MYEF2: variants seen among roughly 807,000 people sequenced by gnomAD.
The protein encoded by MYEF2 is myelin gene expression factor 2.
A neutral mutation model predicts 75.2 loss-of-function variants in MYEF2; 37 were observed. The observed-to-expected ratio is 0.49, with a 90% CI of 0.38 to 0.65. The LOEUF is 0.65. Ranked by LOEUF, MYEF2 falls within the 30% of genes least tolerant of loss-of-function variation. MYEF2 has a pLI of 0.00. For synonymous variants in MYEF2, 195 were observed against 241.6 expected, an observed-to-expected ratio of 0.81 and a Z score of 1.79; for missense variants, 634 against 771.4, an observed-to-expected ratio of 0.82 and a Z score of 2.11.
At chr15:48,151,816 T>C in intron 12 of MYEF2, 58 bp downstream of exon 12, 2 of 1,566,480 alleles carry the variant, frequency 1.3e-6, no homozygotes, top group Non-Finnish European at 1.8e-6. Flanking sequence ...AGGGGGGAAA[T>C]ATTAATAATA....
At position 48,178,261 on chromosome 15, in the gene MYEF2, G is replaced by A. The variant is rs1483325559; in HGVS notation, c.-24C>T. 4.3e-6 allele frequency: 6 copies of A among 1,384,264 alleles called. No homozygotes were observed. The highest frequency in any genetic ancestry group is 5.6e-6 in the Non-Finnish European group (6 of 1,074,628). 85.7% of individuals were successfully genotyped at this position (1,384,264 alleles called of 1,614,324 possible). ...ATCCCGCCGCCGCTGCCTCCGCCTC[G>A]GCCGCCTGAGCTGAGGGGCTCCGAG... is the stretch of plus-strand genomic sequence containing the variant. On this transcript the variant is annotated 5_prime_UTR_variant, in exon 1 of 17. Coordinates refer to ENST00000324324, the MANE Select transcript of MYEF2 (RefSeq NM_016132.5).
Position 48,149,230 on chromosome 15 carries a change from G to A in MYEF2, c.1520C>T (p.Ser507Leu), listed in dbSNP as rs768806653. ...RSIDMDRGFL[S>L]GPMGSGMRER... The stretch of plus-strand genomic sequence containing the variant: ...TCTCATTCCGCTTCCCATTGGACCC[G>A]ATAAAAATCCTCGATCCATATCGAT... Residue 507 changes from serine (S) to leucine (L), a missense_variant, in exon 15 of 17, where the codon TCG becomes TTG. By Grantham distance (145) the Ser-to-Leu change is moderately radical (BLOSUM62 -2). Transcript: ENST00000324324. The surrounding 1 kb of genome is among the most constrained non-coding windows in gnomAD (Gnocchi z 4.0). 1.2e-5 allele frequency: 19 copies of A among 1,613,212 alleles called. No individual in the cohort carries two copies. The highest frequency in any genetic ancestry group is 1.5e-5 in the Non-Finnish European group (18 of 1,179,538).
chr15:48,178,061 G>A lies in MYEF2; in HGVS notation c.161+16C>T. ...GCCCCCCACCTCGCCCCGGTTCCCG[G>A]AGGAAAAGACAATACATTTTAACGC... is the stretch of plus-strand genomic sequence containing the variant. On this transcript the variant is annotated intron_variant, in intron 1 of 16. Coordinates refer to ENST00000324324, the MANE Select transcript of MYEF2 (RefSeq NM_016132.5). The A allele has an allele frequency of 1.3e-6, 2 of 1,590,932 alleles. No homozygotes were observed. Among genetic ancestry groups the A allele is most frequent in the Non-Finnish European group, 8.6e-7 (1 of 1,168,970 alleles).
At chr15:48,156,195 A>G (rs967002745) in intron 9 of MYEF2, among the ~76,000 whole-genome samples, 3 of 152,190 alleles carry the variant, frequency 2.0e-5, no homozygotes, top group Non-Finnish European at 2.9e-5. Flanking sequence ...AAAGCTACCA[A>G]TTTGAAGTAA....
At position 48,140,184 on chromosome 15, in the gene MYEF2, A is replaced by T. The variant is rs980678316; in HGVS notation, c.*2724T>A. 1 of 152,148 alleles carries T rather than the reference A, an allele frequency of 6.6e-6. No homozygotes were observed. The highest frequency in any genetic ancestry group is 1.5e-5 in the Non-Finnish European group (1 of 68,000). The allele number at this position is 152,148 out of a possible 1,614,324, so 9.4% of individuals were successfully genotyped here. A position where few individuals can be genotyped will look rare whatever the true frequency, so the allele number is the denominator to read the frequency against. ...AGAACACATTTGATACTAGAAAAAT[A>T]AAAAGAGAGCAAAAATCATGTAATA... On this transcript the variant is annotated 3_prime_UTR_variant, in exon 17 of 17. Transcript: ENST00000324324.
intron 12 of MYEF2, 83 bp downstream of exon 12, chr15:48,151,791 A>C: frequency 6.7e-7 from 1 of 1,493,032 alleles, no homozygotes; most frequent in Non-Finnish European, 9.3e-7. Context: ...TTTTTAGCAC[A>C]CATTCCTAAG....
chr15:48,159,121 AT>A (rs972600322), intron 6 of MYEF2, among the ~76,000 whole-genome samples, 199 bp from the exon 7 acceptor site: 8 of 151,836 alleles, frequency 5.3e-5, no homozygotes, highest in African/African-American at 1.2e-4. Context: ...CCTTATCCTT[AT>A]TTTTTTTAAT....
intron 1 of MYEF2, among the ~76,000 whole-genome samples, chr15:48,174,793 C>T (rs1359445467): frequency 6.6e-6 from 1 of 152,064 alleles, no homozygotes; most frequent in East Asian, 1.9e-4. Flanking sequence ...AAGATAGCAA[C>T]TGTTGCTGAG....
Position 48,134,963 on chromosome 15 carries a change from T to TATTA in MYEF2, c.*7944_*7945insTAAT, listed in dbSNP as rs886037642. On this transcript the variant is annotated 3_prime_UTR_variant, in exon 17 of 17. Coordinates refer to ENST00000324324, the MANE Select transcript of MYEF2 (RefSeq NM_016132.5). Reference sequence around the variant, plus strand: ...AGTGCAGCAGCAGTTCTTGGTATAATATATGACAACCAAGTTTACTGGTAA... The same window carrying TATTA: ...AGTGCAGCAGCAGTTCTTGGTATAATATTAATATGACAACCAAGTTTACTGGTAA... The TATTA allele has an allele frequency of 8.1e-6, 13 of 1,610,002 alleles. No homozygotes were observed. The South Asian group carries it at 9.9e-5, about 12-fold the overall frequency.
intron 1 of MYEF2, among the ~76,000 whole-genome samples, chr15:48,177,638 T>C (rs980428117): frequency 6.6e-6 from 1 of 152,190 alleles, no homozygotes; most frequent in African/African-American, 2.4e-5. Context: ...ATATTCCTTT[T>C]AAATATGTTC....
At chr15:48,159,853 T>G (rs1303998117) in intron 5 of MYEF2, 49 bp from the exon 6 acceptor site, 35 of 1,523,428 alleles carry the variant, frequency 2.3e-5, no homozygotes, top group Non-Finnish European at 3.1e-5. Flanking sequence ...TCACTAATTC[T>G]ACAAAATTAA....
At position 48,158,074 on chromosome 15, in the gene MYEF2, T is replaced by G. The variant is rs1326723628; in HGVS notation, c.922-18A>C. On this transcript the variant is annotated intron_variant, in intron 8 of 16. Coordinates refer to ENST00000324324, the MANE Select transcript of MYEF2 (RefSeq NM_016132.5). ...TTGTCATCCTAATTGCAAGAAAGTT[T>G]ATAATATGGTTAACATATTACCACA... The G allele has an allele frequency of 6.2e-7, 1 of 1,612,578 alleles. No individual in the cohort carries two copies. The highest frequency in any genetic ancestry group is 2.2e-5 in the East Asian group (1 of 44,762).
intron 5 of MYEF2, among the ~76,000 whole-genome samples, chr15:48,163,363 G>A (rs2040019455): frequency 6.6e-6 from 1 of 152,178 alleles, no homozygotes; most frequent in Non-Finnish European, 1.5e-5. Context: ...TCCAGAGTAA[G>A]GCCTTAACTC....
intron 10 of MYEF2, chr15:48,153,057 A>G (rs2039555801): frequency 6.6e-6 from 1 of 152,142 alleles, no homozygotes; most frequent in Non-Finnish European, 1.5e-5. Flanking sequence ...CAATATCACA[A>G]AAAACTAAAG....
At chr15:48,166,528 A>G (rs989927436) in intron 3 of MYEF2, among the ~76,000 whole-genome samples, 2 of 152,020 alleles carry the variant, frequency 1.3e-5, no homozygotes, top group Admixed American at 1.3e-4. Flanking sequence ...TTTCAACTCT[A>G]TTAAAATCAA....
At position 48,134,796 on chromosome 15, in the gene MYEF2, C is replaced by T; in HGVS notation, c.*8112G>A. 5 of 1,059,692 alleles carry T rather than the reference C, an allele frequency of 4.7e-6. No homozygotes were observed. Among genetic ancestry groups the T allele is most frequent in the Non-Finnish European group, 6.9e-6 (5 of 725,852 alleles). 65.6% of individuals were successfully genotyped at this position (1,059,692 alleles called of 1,614,324 possible). A position where few individuals can be genotyped will look rare whatever the true frequency, so the allele number is the denominator to read the frequency against. The stretch of plus-strand genomic sequence containing the variant: ...TGCAAAAGATAACAATATTTAACTA[C>T]AAATATATAAACAATTTTAGTATTA... On this transcript the variant is annotated 3_prime_UTR_variant, in exon 17 of 17. Transcript: ENST00000324324.
At chr15:48,176,912 T>C (rs1410086126) in intron 1 of MYEF2, among the ~76,000 whole-genome samples, 2 of 152,170 alleles carry the variant, frequency 1.3e-5, no homozygotes, top group Admixed American at 1.3e-4. Flanking sequence ...CTGCCGATCC[T>C]GTTCAAACTC....
At chr15:48,147,479 C>A (rs1158285110) in intron 16 of MYEF2, among the ~76,000 whole-genome samples, 1 of 151,616 alleles carries the variant, frequency 6.6e-6, no homozygotes, top group Non-Finnish European at 1.5e-5. Context: ...ACAGATTATA[C>A]TTGCTGCCAC....
chr15:48,173,215 A>AC (rs1243384968), intron 1 of MYEF2, among the ~76,000 whole-genome samples: 1 of 152,212 alleles, frequency 6.6e-6, no homozygotes, highest in Non-Finnish European at 1.5e-5. Flanking sequence ...GTTATACACC[A>AC]CATTAACAGA....
Sources: gnomAD v4.1 joint callset for allele counts (sites outside exome capture counted in the v4.1 genomes callset) on GRCh38, gnomAD v4.1.1 for gene constraint, Gnocchi (gnomAD v3.1) non-coding constraint, MANE v1.5 for transcripts, NCBI Gene and HGNC (gene_info 2026-07-23, HGNC 2026-07-21) for gene names.